The following DRC11 variants were observed in gnomAD, a reference collection of about 807,000 sequenced individuals.
DRC11 encodes the protein IQ and AAA domain-containing protein 1.
the DRC11 span, among the ~76,000 whole-genome samples, chr2:236,407,085 T>C: frequency 6.6e-6 from 1 of 152,204 alleles, no homozygotes; most frequent in Non-Finnish European, 1.5e-5. Flanking sequence ...GCTCGTCATT[T>C]TACTTTCTGC....
the DRC11 span, among the ~76,000 whole-genome samples, chr2:236,374,378 G>T: frequency 6.6e-6 from 1 of 152,166 alleles, no homozygotes; most frequent in East Asian, 1.9e-4. Flanking sequence ...CCAGATTTTG[G>T]TGGATATTTG....
the DRC11 span, among the ~76,000 whole-genome samples, chr2:236,434,237 G>T: frequency 6.6e-6 from 1 of 152,048 alleles, no homozygotes; most frequent in African/African-American, 2.4e-5. The surrounding 1 kb of genome is among the most constrained non-coding windows in gnomAD (Gnocchi z 5.5). Context: ...TTTTTTGGGG[G>T]TTTTGATTCA....
the DRC11 span, among the ~76,000 whole-genome samples, chr2:236,357,931 T>TATATGAATATATAATATATAA: frequency 9.2e-6 from 1 of 108,470 alleles, no homozygotes; most frequent in Non-Finnish European, 1.7e-5. Flanking sequence ...TATAAATTCA[T>TATATGAATATATAATATATAA]ATATGAATAT....
At chr2:236,445,134 A>G in the DRC11 span, among the ~76,000 whole-genome samples, 1 of 152,178 alleles carries the variant, frequency 6.6e-6, no homozygotes, top group South Asian at 2.1e-4. The surrounding 1 kb of genome is among the most constrained non-coding windows in gnomAD (Gnocchi z 4.8). Context: ...CTCATTGCAT[A>G]ATTTTATTTT....
chr2:236,377,219 A>C, the DRC11 span: 1 of 1,353,954 alleles, frequency 7.4e-7, no homozygotes, highest in Middle Eastern at 1.8e-4. This position sits in a 1 kb window ranked among gnomAD's most constrained non-coding sequence, Gnocchi z 4.9. Context: ...TTCCAGAGGC[A>C]CACACACAGA....
the DRC11 span, chr2:236,497,423 G>T: frequency 6.2e-7 from 1 of 1,613,810 alleles, no homozygotes; most frequent in Non-Finnish European, 8.5e-7. The surrounding 1 kb of genome is among the most constrained non-coding windows in gnomAD (Gnocchi z 5.1). Context: ...ATCATCTTCT[G>T]AGGCTCTTTA....
chr2:236,496,459 A>AGGTGGCC, the DRC11 span, among the ~76,000 whole-genome samples: 1 of 152,180 alleles, frequency 6.6e-6, no homozygotes, highest in Non-Finnish European at 1.5e-5. The surrounding 1 kb of genome is among the most constrained non-coding windows in gnomAD (Gnocchi z 6.3). Context: ...CACTGAGGGG[A>AGGTGGCC]GGTGGCCAGT....
At chr2:236,408,890 T>A in the DRC11 span, 1 of 647,788 alleles carries the variant, frequency 1.5e-6, no homozygotes, top group Non-Finnish European at 2.9e-6. The surrounding 1 kb of genome is among the most constrained non-coding windows in gnomAD (Gnocchi z 5.5). Context: ...CGTTGGATCC[T>A]AGCCTGTTGA....
chr2:236,449,808 T>C, the DRC11 span, among the ~76,000 whole-genome samples: 1 of 152,186 alleles, frequency 6.6e-6, no homozygotes, highest in Admixed American at 6.5e-5. This position sits in a 1 kb window ranked among gnomAD's most constrained non-coding sequence, Gnocchi z 5.1. Flanking sequence ...AGCTAGTGTT[T>C]TGCCAGATGA....
At chr2:236,485,564 G>A in the DRC11 span, among the ~76,000 whole-genome samples, 6 of 152,136 alleles carry the variant, frequency 3.9e-5, no homozygotes, top group Admixed American at 3.9e-4. Flanking sequence ...TGAAAACTGA[G>A]CAGGTCAACA....
chr2:236,479,618 A>C, the DRC11 span, among the ~76,000 whole-genome samples: 3 of 152,210 alleles, frequency 2.0e-5, no homozygotes, highest in East Asian at 5.8e-4. The surrounding 1 kb of genome is among the most constrained non-coding windows in gnomAD (Gnocchi z 4.1). Flanking sequence ...AGGAAAAACT[A>C]AAACAACTAC....
At chr2:236,505,090 C>T in the DRC11 span, among the ~76,000 whole-genome samples, 1 of 152,156 alleles carries the variant, frequency 6.6e-6, no homozygotes, top group Non-Finnish European at 1.5e-5. Context: ...GACTACTTAA[C>T]AGTTTTTGAA....
At chr2:236,458,435 T>C in the DRC11 span, among the ~76,000 whole-genome samples, 1 of 152,246 alleles carries the variant, frequency 6.6e-6, no homozygotes, top group East Asian at 1.9e-4. Context: ...AGAACTAATG[T>C]GAGAATTCAC....
chr2:236,380,704 G>T, the DRC11 span: 1 of 1,187,848 alleles, frequency 8.4e-7, no homozygotes, highest in South Asian at 1.3e-5. This position sits in a 1 kb window ranked among gnomAD's most constrained non-coding sequence, Gnocchi z 4.9. Flanking sequence ...CTAGAAATTA[G>T]CTAAGCACGT....
At chr2:236,319,318 C>A in the DRC11 span, among the ~76,000 whole-genome samples, 2 of 152,296 alleles carry the variant, frequency 1.3e-5, no homozygotes, top group East Asian at 3.9e-4. This position sits in a 1 kb window ranked among gnomAD's most constrained non-coding sequence, Gnocchi z 6.7. Flanking sequence ...CGCAGGGAGG[C>A]AAAGATGAAA....
chr2:236,453,878 G>C, the DRC11 span, among the ~76,000 whole-genome samples: 4 of 152,268 alleles, frequency 2.6e-5, no homozygotes, highest in African/African-American at 9.6e-5. The surrounding 1 kb of genome is among the most constrained non-coding windows in gnomAD (Gnocchi z 4.9). Context: ...CTGACCACAG[G>C]TGATCCACCC....
the DRC11 span, among the ~76,000 whole-genome samples, chr2:236,455,585 G>T: frequency 1.2e-4 from 19 of 152,116 alleles, no homozygotes; most frequent in African/African-American, 4.3e-4. The surrounding 1 kb of genome is among the most constrained non-coding windows in gnomAD (Gnocchi z 5.7). Context: ...GAGTATGGTC[G>T]CTCTCGCTAT....
At chr2:236,423,223 C>A in the DRC11 span, among the ~76,000 whole-genome samples, 3 of 151,828 alleles carry the variant, frequency 2.0e-5, no homozygotes, top group Non-Finnish European at 2.9e-5. Flanking sequence ...AACTAAAGAG[C>A]TTCTGCACAG....
the DRC11 span, among the ~76,000 whole-genome samples, chr2:236,480,961 C>G: frequency 6.6e-6 from 1 of 152,134 alleles, no homozygotes; most frequent in African/African-American, 2.4e-5. Context: ...AACCTTAAGC[C>G]CAGGTTTGCA....
Sources: allele counts gnomAD v4.1 joint callset (sites outside exome capture counted in the v4.1 genomes callset), GRCh38; gene constraint gnomAD v4.1.1; non-coding constraint Gnocchi (gnomAD v3.1); transcripts MANE v1.5; gene names NCBI Gene and HGNC (gene_info 2026-07-23, HGNC 2026-07-21).